BNC2: variants seen among roughly 807,000 people sequenced by gnomAD.
The protein encoded by BNC2 is zinc finger protein basonuclin-2.
Under a neutral mutation model 76.3 loss-of-function variants are expected in BNC2, and 20 were observed. The ratio of observed to expected loss-of-function variants is 0.26; its 90% CI spans 0.18 to 0.38. BNC2 has a LOEUF of 0.38. BNC2 is among the 10% of genes least tolerant of loss of function. BNC2 has a pLI of 1.00. For synonymous variants in BNC2, 582 were observed against 514.8 expected, an observed-to-expected ratio of 1.13 and a Z score of -1.77; for missense variants, 1,382 against 1,399.8, an observed-to-expected ratio of 0.99 and a Z score of 0.20.
At chr9:16,693,705 T>G (rs866348595) in intron 3 of BNC2, among the ~76,000 whole-genome samples, 5 of 152,202 alleles carry the variant, frequency 3.3e-5, no homozygotes, top group Non-Finnish European at 4.4e-5. Flanking sequence ...ATAAAATTCT[T>G]ATCTCCCAAC....
At chr9:16,688,009 AG>A (rs1351550346) in intron 3 of BNC2, among the ~76,000 whole-genome samples, 1 of 152,306 alleles carries the variant, frequency 6.6e-6, no homozygotes, top group African/African-American at 2.4e-5. Context: ...TTTCAAACTT[AG>A]AGTGCTAGGA....
chr9:16,418,726 A>C lies in BNC2; in HGVS notation c.*263T>G. 4.4e-6 allele frequency: 2 copies of C among 454,954 alleles called. No homozygotes were observed. Among genetic ancestry groups the C allele is most frequent in the Admixed American group, 3.5e-5 (1 of 28,714 alleles). The allele number at this position is 454,954 out of a possible 1,614,324, so 28.2% of individuals were successfully genotyped here. A position where few individuals can be genotyped will look rare whatever the true frequency, so the allele number is the denominator to read the frequency against. On this transcript the variant is annotated 3_prime_UTR_variant, in exon 7 of 7. Coordinates refer to ENST00000380672, the MANE Select transcript of BNC2 (RefSeq NM_017637.6). ...TGTGTGTGTGTGTGTTTAAAGGGGT[A>C]CTCTGTTTTCACCCTGAAATCAAAG...
At chr9:16,517,335 C>T (rs1254825662) in intron 5 of BNC2, among the ~76,000 whole-genome samples, 1 of 152,146 alleles carries the variant, frequency 6.6e-6, no homozygotes, top group Non-Finnish European at 1.5e-5. Context: ...TCTTAACAGA[C>T]TGAAAGGCAA....
At chr9:16,624,955 A>G (rs1176736316) in intron 3 of BNC2, among the ~76,000 whole-genome samples, 1 of 152,238 alleles carries the variant, frequency 6.6e-6, no homozygotes, top group Non-Finnish European at 1.5e-5. Flanking sequence ...TTAAAAAGTT[A>G]GAAGAGAGCA....
At chr9:16,790,870 T>A (rs1000252573) in intron 1 of BNC2, among the ~76,000 whole-genome samples, 4 of 147,790 alleles carry the variant, frequency 2.7e-5, no homozygotes, top group Non-Finnish European at 6.0e-5. Context: ...AAAATTTTAA[T>A]CCAATTTTAA....
In BNC2 at chr9:16,436,651, A is replaced by G; in HGVS notation, c.1543T>C (p.Ser515Pro). ...NRDKDLIRAT[S>P]GAATPVIAST... is the part of the protein sequence containing the mutation. ...GCTATGACAGGGGTGGCAGCTCCTG[A>G]GGTGGCCCGAATTAAATCTTTATCT... Residue 515 changes from serine (S) to proline (P), a missense_variant, in exon 6 of 7, where the codon TCA becomes CCA. Coordinates refer to ENST00000380672, the MANE Select transcript of BNC2 (RefSeq NM_017637.6). 6.2e-7 allele frequency: 1 copy of G among 1,613,860 alleles called. No homozygotes were observed. Among genetic ancestry groups the G allele is most frequent in the Non-Finnish European group, 8.5e-7 (1 of 1,179,944 alleles).
chr9:16,817,722 G>T (rs55933102), intron 1 of BNC2, among the ~76,000 whole-genome samples: 11,140 of 152,106 alleles, frequency 0.073, 573 homozygotes, highest in South Asian at 0.22. Flanking sequence ...GTAGATCCAG[G>T]ATTTACAGCT....
intron 5 of BNC2, among the ~76,000 whole-genome samples, chr9:16,498,750 T>C (rs899358882): frequency 1.1e-4 from 17 of 152,036 alleles, no homozygotes; most frequent in African/African-American, 4.1e-4. Flanking sequence ...CCTTAATTTA[T>C]GATGCCTCAT....
chr9:16,614,684 T>C (rs1178456587), intron 3 of BNC2, among the ~76,000 whole-genome samples: 2 of 151,874 alleles, frequency 1.3e-5, no homozygotes, highest in Admixed American at 6.6e-5. Flanking sequence ...TGGTGGCTCA[T>C]GCCTGTAATT....
intron 2 of BNC2, among the ~76,000 whole-genome samples, chr9:16,731,872 T>A (rs1164513901): frequency 6.6e-6 from 1 of 152,124 alleles, no homozygotes; most frequent in African/African-American, 2.4e-5. Context: ...AATTAAAAGT[T>A]GTAATTGCAG....
At chr9:16,788,328 C>T (rs1274494074) in intron 1 of BNC2, among the ~76,000 whole-genome samples, 8 of 151,114 alleles carry the variant, frequency 5.3e-5, no homozygotes, top group Non-Finnish European at 7.4e-5. Context: ...CCAAGGTGGG[C>T]AGATCATGAA....
chr9:16,724,904 A>T (rs148631122), intron 3 of BNC2, among the ~76,000 whole-genome samples: 224 of 152,284 alleles, frequency 1.5e-3, no homozygotes, highest in African/African-American at 5.2e-3. Context: ...CAGAGTTTTC[A>T]AACGTCTAAA....
chr9:16,490,349 AAGAGAAG>A (rs1482404418), intron 5 of BNC2, among the ~76,000 whole-genome samples: 1 of 152,064 alleles, frequency 6.6e-6, no homozygotes, highest in East Asian at 1.9e-4. Context: ...ATTCACCATC[AAGAGAAG>A]AGCAAGGGAA....
intron 5 of BNC2, among the ~76,000 whole-genome samples, chr9:16,544,152 A>T (rs954402941): frequency 5.3e-5 from 8 of 152,210 alleles, no homozygotes; most frequent in Non-Finnish European, 1.0e-4. Context: ...TATATAATAC[A>T]ACTTTCCATC....
chr9:16,830,141 C>G (rs913599551), intron 1 of BNC2, among the ~76,000 whole-genome samples: 1 of 152,168 alleles, frequency 6.6e-6, no homozygotes, highest in Non-Finnish European at 1.5e-5. Context: ...TTCAAAAACT[C>G]CACACAATTA....
chr9:16,526,441 G>C (rs1817802769), intron 5 of BNC2, among the ~76,000 whole-genome samples: 2 of 146,870 alleles, frequency 1.4e-5, no homozygotes, highest in African/African-American at 2.5e-5. Context: ...ACCAATGCTG[G>C]GATTACTTCC....
At chr9:16,494,946 T>C (rs182974090) in intron 5 of BNC2, among the ~76,000 whole-genome samples, 142 of 152,242 alleles carry the variant, frequency 9.3e-4, no homozygotes, top group African/African-American at 3.0e-3. Flanking sequence ...AACTTGCACA[T>C]TGTGCACGTG....
chr9:16,854,190 T>C (rs1051163562), intron 1 of BNC2, among the ~76,000 whole-genome samples: 2 of 152,168 alleles, frequency 1.3e-5, no homozygotes, highest in African/African-American at 4.8e-5. Context: ...GAAGGAAAGA[T>C]TGAAAGGTAA....
chr9:16,552,868 T>G (rs1818708733), intron 4 of BNC2, 103 bp from the exon 5 acceptor site: 1 of 908,940 alleles, frequency 1.1e-6, no homozygotes, highest in African/African-American at 1.6e-5. Flanking sequence ...AGGGCTCCAT[T>G]TCTACACATG....
Sources: gnomAD v4.1 joint callset for allele counts (sites outside exome capture counted in the v4.1 genomes callset) on GRCh38, gnomAD v4.1.1 for gene constraint, MANE v1.5 for transcripts, NCBI Gene and HGNC (gene_info 2026-07-23, HGNC 2026-07-21) for gene names.